PAK3: variants seen among roughly 807,000 people sequenced by gnomAD.
PAK3 encodes p21 (RAC1) activated kinase 3, also known as serine/threonine-protein kinase PAK 3.
Under a neutral mutation model 41.0 loss-of-function variants are expected in PAK3, and 4 were observed. The ratio of observed to expected loss-of-function variants is 0.10; its 90% CI spans 0.05 to 0.22. The LOEUF is 0.22. Among genes scored for constraint, PAK3 ranks in the 10% least tolerant of loss-of-function variants. The pLI, the probability that PAK3 is intolerant of heterozygous loss-of-function variation, is 1.00. For synonymous variants in PAK3, 146 were observed against 139.6 expected, an observed-to-expected ratio of 1.05 and a Z score of -0.32; for missense variants, 205 against 409.9, an observed-to-expected ratio of 0.50 and a Z score of 4.32.
At position 111,063,587 on chromosome X, in the gene PAK3, C is replaced by A. The variant is rs757364336; in HGVS notation, c.-27-59490C>A. 2.0e-3 allele frequency among the ~76,000 whole-genome samples: 226 copies of A among 111,323 alleles called. 2 individuals are homozygous for A. Among genetic ancestry groups the A allele is most frequent in the Non-Finnish European group, 3.1e-3 (167 of 53,075 alleles). ...ATCTCTTTTTATAGGGAAGGGCAGA[C>A]ACATGAAACTGGGCATTCATTGCAA... is the stretch of plus-strand genomic sequence containing the variant. On this transcript the variant is annotated intron_variant, in intron 1 of 14. Transcript: ENST00000425146.
At chrX:111,014,814 C>T (rs1569506003) in intron 1 of PAK3, among the ~76,000 whole-genome samples, 3 of 111,575 alleles carry the variant, frequency 2.7e-5, no homozygotes, top group African/African-American at 6.5e-5. Flanking sequence ...CTTCCTTGTT[C>T]CGCAGGGACT....
intron 8 of PAK3, among the ~76,000 whole-genome samples, chrX:111,162,608 A>G (rs2094204527): frequency 8.9e-6 from 1 of 112,163 alleles, no homozygotes; most frequent in Admixed American, 9.5e-5. Context: ...GTATTTCAAA[A>G]ACATTGAACT....
intron 4 of PAK3, among the ~76,000 whole-genome samples, chrX:111,113,157 C>T (rs183084112): frequency 2.3e-4 from 26 of 111,470 alleles, no homozygotes; most frequent in African/African-American, 8.1e-4. Flanking sequence ...CCTGCTCATC[C>T]TTCCATACCC....
At chrX:111,030,269 G>A (rs970712607) in intron 1 of PAK3, among the ~76,000 whole-genome samples, 5 of 110,172 alleles carry the variant, frequency 4.5e-5, no homozygotes, top group South Asian at 3.9e-4. Flanking sequence ...TTTCTTGCCC[G>A]TGTTCACTGA....
At chrX:110,969,975 C>G (rs1053986262) in intron 1 of PAK3, among the ~76,000 whole-genome samples, 1 of 112,056 alleles carries the variant, frequency 8.9e-6, no homozygotes, top group African/African-American at 3.2e-5. Flanking sequence ...ATCCATTTAT[C>G]TAGGTCTTTG....
rs145421157 is a variant in PAK3 at position 111,070,595 on chromosome X, T to C, written c.-27-52482T>C. ...CTTTGTGTACTTGTAGTCATCATTA[T>C]ACTTCATGAATAGCTCTTTCAAATG... is the stretch of plus-strand genomic sequence containing the variant. On this transcript the variant is annotated intron_variant, in intron 1 of 14. Transcript: ENST00000425146. 5.7e-4 allele frequency among the ~76,000 whole-genome samples: 64 copies of C among 112,230 alleles called. No homozygotes were observed. In the East Asian group the frequency reaches 0.018, roughly 31 times the overall value.
rs920580515 is a variant in PAK3 at position 110,984,625 on chromosome X, T to C, written c.-28+39997T>C. Among the ~76,000 whole-genome samples, 106 of 112,143 alleles carry C rather than the reference T, an allele frequency of 9.5e-4. 2 individuals are homozygous for C. The highest frequency in any genetic ancestry group is 1.4e-3 in the Non-Finnish European group (73 of 53,219). The stretch of plus-strand genomic sequence containing the variant: ...CACAGGCTGCTGCCCACCATGACTC[T>C]GGCAAACTTTCTTGGGCAGGACTTA... On this transcript the variant is annotated intron_variant, in intron 1 of 14. Coordinates refer to the PAK3 transcript ENST00000425146.
At chrX:111,178,757 G>A (rs986017702) in intron 11 of PAK3, among the ~76,000 whole-genome samples, 1 of 109,992 alleles carries the variant, frequency 9.1e-6, no homozygotes, top group African/African-American at 3.3e-5. Flanking sequence ...GTACACTTGA[G>A]AGTGACATTA....
At chrX:110,944,900 T>G (rs920266835) in intron 1 of PAK3, among the ~76,000 whole-genome samples, 2 of 111,984 alleles carry the variant, frequency 1.8e-5, no homozygotes, top group Admixed American at 9.4e-5. Flanking sequence ...CCCCACTCCC[T>G]GCATCCACTT....
chrX:111,111,248 A>T (rs1323492307), intron 4 of PAK3, among the ~76,000 whole-genome samples: 1 of 112,535 alleles, frequency 8.9e-6, no homozygotes, highest in African/African-American at 3.2e-5. Context: ...AGCTAGAGAT[A>T]CAGTTTTTCC....
intron 8 of PAK3, among the ~76,000 whole-genome samples, chrX:111,160,031 T>C (rs1272550827): frequency 8.9e-6 from 1 of 111,876 alleles, no homozygotes. Flanking sequence ...TCCTTTGATG[T>C]AATGGTCTAT....
intron 7 of PAK3, among the ~76,000 whole-genome samples, chrX:111,149,359 C>T (rs1037466070): frequency 2.7e-5 from 3 of 111,693 alleles, no homozygotes; most frequent in African/African-American, 9.8e-5. Context: ...ATCTGGAGGA[C>T]GGTGGCCCTC....
chrX:111,217,047 C>G (rs751518720), intron 17 of PAK3: 58 of 750,297 alleles, frequency 7.7e-5, no homozygotes, highest in Non-Finnish European at 9.1e-5. Flanking sequence ...GCCTCTGTAA[C>G]CATTTGTCCT....
Position 110,960,502 on chromosome X carries a change from G to T in PAK3, c.-28+15874G>T, listed in dbSNP as rs537142858. Among the ~76,000 whole-genome samples, 4 of 111,761 alleles carry T rather than the reference G, an allele frequency of 3.6e-5. No individual in the cohort carries two copies. In the South Asian group the frequency reaches 1.5e-3, roughly 43 times the overall value. The stretch of plus-strand genomic sequence containing the variant: ...TCCTGGGACAGGAGTGTACCTGGCT[G>T]TGAGGAGGCAAGTCTAGCTTAAGCT... On this transcript the variant is annotated intron_variant, in intron 1 of 14. Coordinates refer to the PAK3 transcript ENST00000425146.
At chrX:111,120,514 T>A (rs2093551539) in intron 4 of PAK3, among the ~76,000 whole-genome samples, 1 of 111,811 alleles carries the variant, frequency 8.9e-6, no homozygotes, top group Non-Finnish European at 1.9e-5. Flanking sequence ...TTAAATTCAT[T>A]TGAGCTGAAA....
chrX:111,205,671 C>T (rs2094738117), intron 16 of PAK3, among the ~76,000 whole-genome samples: 1 of 111,162 alleles, frequency 9.0e-6, no homozygotes. Flanking sequence ...AGTAATAAAG[C>T]TATTGCAGGG....
chrX:110,984,021 G>A (rs2091494577), intron 1 of PAK3, among the ~76,000 whole-genome samples: 1 of 111,507 alleles, frequency 9.0e-6, no homozygotes, highest in Non-Finnish European at 1.9e-5. Flanking sequence ...CCATTAGCTA[G>A]TGTGAGCCAC....
At chrX:111,003,330 G>A (rs754331432) in intron 1 of PAK3, among the ~76,000 whole-genome samples, 15 of 111,607 alleles carry the variant, frequency 1.3e-4, no homozygotes, top group Middle Eastern at 4.6e-3. Flanking sequence ...TCAGCAGTTC[G>A]CTAGAGACAT....
chrX:111,049,857 A>T (rs1018457595), intron 1 of PAK3, among the ~76,000 whole-genome samples: 1 of 111,786 alleles, frequency 8.9e-6, no homozygotes, highest in Non-Finnish European at 1.9e-5. Context: ...GGGAGGGAAG[A>T]ATGACAGGTT....
Sources: allele counts gnomAD v4.1 joint callset (sites outside exome capture counted in the v4.1 genomes callset), GRCh38; gene constraint gnomAD v4.1.1; transcripts MANE v1.5; gene names NCBI Gene and HGNC (gene_info 2026-07-23, HGNC 2026-07-21).